Variants in MRPL43 observed in about 807,000 individuals in gnomAD.
The protein encoded by MRPL43 is large ribosomal subunit protein mL43.
MRPL43 carries 9 observed loss-of-function variants against 12.7 expected under a neutral mutation model. The observed-to-expected ratio is 0.71, with a 90% CI of 0.43 to 1.24. The LOEUF (loss-of-function observed/expected upper bound fraction) is 1.24, where lower values mean the gene tolerates loss of function less well. MRPL43 is among the 50% of genes most tolerant of loss of function. The pLI is 0.00. For missense variants in MRPL43, 211 were observed against 229.2 expected, an observed-to-expected ratio of 0.92 and a Z score of 0.51; for synonymous variants, 116 against 96.4, an observed-to-expected ratio of 1.20 and a Z score of -1.19.
chr10:100,987,013 G>A (rs756207786), intron 2 of MRPL43, 38 bp from the exon 3 acceptor site: 2 of 1,605,158 alleles, frequency 1.2e-6, no homozygotes, highest in South Asian at 1.1e-5. Context: ...GAAGCTGGCC[G>A]GTGCGACCAA....
At chr10:100,984,597 T>G, downstream of MRPL43, 1 of 1,536,226 alleles carries the variant, frequency 6.5e-7, no homozygotes, top group Non-Finnish European at 8.7e-7. Context: ...ACCTAAGCCC[T>G]GCGTACATTC....
downstream of MRPL43, chr10:100,983,810 C>A: frequency 6.2e-7 from 1 of 1,603,802 alleles, no homozygotes; most frequent in Middle Eastern, 1.7e-4. Flanking sequence ...CAGTCTCAGG[C>A]CAGTGTCCTG....
chr10:100,980,338 G>C, downstream of MRPL43: 2 of 1,613,802 alleles, frequency 1.2e-6, no homozygotes, highest in Non-Finnish European at 1.7e-6. Flanking sequence ...GCTCTTTCTG[G>C]GCACAGGTGC....
downstream of MRPL43, chr10:100,981,645 T>C (rs554309631): frequency 2.2e-6 from 3 of 1,387,570 alleles, no homozygotes; most frequent in Non-Finnish European, 3.0e-6. Flanking sequence ...TGTCATCTAC[T>C]GTCACAGCAT....
At chr10:100,981,360 A>G (rs1026900372), downstream of MRPL43, 17 of 1,608,166 alleles carry the variant, frequency 1.1e-5, no homozygotes, top group Non-Finnish European at 1.4e-5. Context: ...ACTCAAACAC[A>G]GAGCCTGGCA....
rs1851481143 is a variant in MRPL43 at position 100,986,523 on chromosome 10, C to G, written c.*211G>C. The G allele has an allele frequency of 3.9e-6, 6 of 1,552,458 alleles. No individual in the cohort carries two copies. Among genetic ancestry groups the G allele is most frequent in the Non-Finnish European group, 5.2e-6 (6 of 1,147,722 alleles). On this transcript the variant is annotated 3_prime_UTR_variant, in exon 3 of 3. Transcript: ENST00000318364. ...CTCATCTCAGGTTTTAGGGATGCCA[C>G]TTGCATAAAAATGAGTGGTTCACAA...
At chr10:100,982,238 G>A (rs958193041), downstream of MRPL43, among the ~76,000 whole-genome samples, 1 of 152,026 alleles carries the variant, frequency 6.6e-6, no homozygotes, top group Admixed American at 6.6e-5. Context: ...GAGGGAGGCT[G>A]GCACATTTGA....
downstream of MRPL43, chr10:100,984,589 C>G (rs756712868): frequency 3.4e-4 from 517 of 1,536,220 alleles, 1 homozygote; most frequent in Non-Finnish European, 4.2e-5. Context: ...TGCCAGCCAC[C>G]TAAGCCCTGC....
Position 100,986,928 on chromosome 10 carries a change from C to A in MRPL43, c.286G>T (p.Glu96Ter), listed in dbSNP as rs917320234. The A allele has an allele frequency of 5.6e-6, 9 of 1,609,810 alleles. No homozygotes were observed. The African/African-American group carries it at 1.2e-4, about 21-fold the overall frequency. Residue 96 changes from glutamate to a stop codon, truncating the protein, a stop_gained, in exon 3 of 3, where the codon GAG (glutamate) becomes TAG (stop). Coordinates refer to ENST00000318364, the MANE Select transcript of MRPL43 (RefSeq NM_032112.3). LOFTEE classifies it high-confidence loss of function. The part of the protein sequence containing the change: ...EESIHCKSVE[E>*]ISTLVQKLAD... Reference sequence around the variant, plus strand: ...AGCTTCTGCACCAGCGTCGAGATCTCCTCGACCGACTTGCAGTGGATGCTC... The same window carrying A: ...AGCTTCTGCACCAGCGTCGAGATCTACTCGACCGACTTGCAGTGGATGCTC...
At chr10:100,978,678 G>A, downstream of MRPL43, 1 of 1,591,842 alleles carries the variant, frequency 6.3e-7, no homozygotes, top group Non-Finnish European at 8.6e-7. Flanking sequence ...GGGGGTAGGG[G>A]ACTATTTCTT....
chr10:100,979,009 T>C (rs118166648), downstream of MRPL43: 122,289 of 1,614,018 alleles, frequency 0.076, 5,115 homozygotes, highest in Non-Finnish European at 0.087. Flanking sequence ...GTGTGGCTCG[T>C]GTCTGCAAGG....
At chr10:100,982,955 A>G (rs1851181358), downstream of MRPL43, among the ~76,000 whole-genome samples, 1 of 152,220 alleles carries the variant, frequency 6.6e-6, no homozygotes, top group Non-Finnish European at 1.5e-5. Context: ...GAGGTGTCCA[A>G]GAGACCTCAT....
chr10:100,980,281 C>A (rs1851001443), downstream of MRPL43: 9 of 1,614,114 alleles, frequency 5.6e-6, no homozygotes, highest in Non-Finnish European at 7.6e-6. Context: ...CTACACACAC[C>A]TTACAGGGAC....
At chr10:100,979,535 A>C (rs1850956912), downstream of MRPL43, among the ~76,000 whole-genome samples, 1 of 152,046 alleles carries the variant, frequency 6.6e-6, no homozygotes, top group African/African-American at 2.4e-5. Flanking sequence ...GGCGTGTGCC[A>C]CCACGCCTGG....
downstream of MRPL43, chr10:100,981,484 C>T: frequency 6.2e-7 from 1 of 1,614,184 alleles, no homozygotes; most frequent in Non-Finnish European, 8.5e-7. Context: ...TAGTGGATGA[C>T]AAGGGTTCAG....
At chr10:100,982,501 C>T (rs192080932), downstream of MRPL43, among the ~76,000 whole-genome samples, 44 of 152,260 alleles carry the variant, frequency 2.9e-4, no homozygotes, top group Admixed American at 3.9e-4. Flanking sequence ...TAGATACAAA[C>T]GTGAAGAAGG....
Position 100,987,484 on chromosome 10 carries a change from A to AG in MRPL43, c.-42dup, listed in dbSNP as rs755454524. The AG allele has an allele frequency of 2.3e-5, 37 of 1,603,516 alleles. No homozygotes were observed. The highest frequency in any genetic ancestry group is 1.5e-4 in the South Asian group (14 of 90,658). On this transcript the variant is annotated 5_prime_UTR_variant, in exon 1 of 3. Coordinates refer to ENST00000318364, the MANE Select transcript of MRPL43 (RefSeq NM_032112.3). ...GCCGCGGAGCCTAAGCAGCGAGGAG[A>AG]GGGGGGCGGGACTAAACCTCGAGGC...
In MRPL43 at chr10:100,986,612, A is replaced by C. The variant is rs779650662; in HGVS notation, c.*122T>G. 3.7e-6 allele frequency: 6 copies of C among 1,612,458 alleles called. No individual in the cohort carries two copies. The highest frequency in any genetic ancestry group is 5.1e-6 in the Non-Finnish European group (6 of 1,179,694). ...GCAGCTCTTCATTATCCCAAGCAGA[A>C]CCTCTGTCAACTTGCCCATTGATGG... On this transcript the variant is annotated 3_prime_UTR_variant, in exon 3 of 3. Coordinates refer to ENST00000318364, the MANE Select transcript of MRPL43 (RefSeq NM_032112.3).
downstream of MRPL43, chr10:100,984,610 A>G (rs1468467340): frequency 1.3e-6 from 2 of 1,536,064 alleles, no homozygotes; most frequent in Admixed American, 3.9e-5. Context: ...GTACATTCAC[A>G]TGCACACATG....
Sources: allele counts gnomAD v4.1 joint callset (sites outside exome capture counted in the v4.1 genomes callset), GRCh38; gene constraint gnomAD v4.1.1; transcripts MANE v1.5; gene names NCBI Gene and HGNC (gene_info 2026-07-23, HGNC 2026-07-21).